DENND5A: variants seen among roughly 807,000 people sequenced by gnomAD.
The protein encoded by DENND5A is DENN domain containing 5A, also known as DENN domain-containing protein 5A.
DENND5A carries 64 observed loss-of-function variants against 140.3 expected under a neutral mutation model. The observed-to-expected ratio is 0.46, with a 90% CI of 0.37 to 0.56. The LOEUF is 0.56. Among genes scored for constraint, DENND5A ranks in the 20% least tolerant of loss-of-function variants. The pLI is 0.00. For synonymous variants in DENND5A, 605 were observed against 607.7 expected, an observed-to-expected ratio of 1.00 and a Z score of 0.07; for missense variants, 1,292 against 1,593.8, an observed-to-expected ratio of 0.81 and a Z score of 3.22.
chr11:9,207,205 A>G (rs1452852255), intron 2 of DENND5A: 1 of 471,046 alleles, frequency 2.1e-6, no homozygotes, highest in Non-Finnish European at 3.9e-6. Flanking sequence ...CATTTCAATG[A>G]TCTCTGGGAA....
chr11:9,233,954 G>T (rs1165666759), intron 1 of DENND5A, among the ~76,000 whole-genome samples: 7 of 152,082 alleles, frequency 4.6e-5, no homozygotes, highest in Non-Finnish European at 7.4e-5. Flanking sequence ...GAGGTGGGTG[G>T]ATCACTTGAG....
At chr11:9,143,951 A>AT in intron 19 of DENND5A, 146 bp downstream of exon 19, 1 of 903,594 alleles carries the variant, frequency 1.1e-6, no homozygotes, top group Non-Finnish European at 1.7e-6. Flanking sequence ...GAAGGGTGCC[A>AT]TATGTGTGAG....
Position 9,204,214 on chromosome 11 carries a change from C to T in DENND5A, c.395G>A (p.Gly132Glu). The T allele has an allele frequency of 1.2e-6, 2 of 1,613,990 alleles. No homozygotes were observed. The highest frequency in any genetic ancestry group is 1.7e-6 in the Non-Finnish European group (2 of 1,180,012). The change falls in exon 4 of 23, where the codon GGG becomes GAG. Residue 132 changes from glycine (G) to glutamate (E), a missense_variant. Coordinates refer to ENST00000328194, the MANE Select transcript of DENND5A (RefSeq NM_015213.4). ...CTCTTCATAAAATGTGAGGGCAAAC[C>T]CAAATGTCCGAGAGCCATCCTCCCT... ...ITREDGSRTF[G>E]FALTFYEEVT...
intron 11 of DENND5A, among the ~76,000 whole-genome samples, chr11:9,162,549 T>C (rs1363335506): frequency 6.6e-6 from 1 of 152,020 alleles, no homozygotes; most frequent in Non-Finnish European, 1.5e-5. Flanking sequence ...AGTATTTTAT[T>C]TATAAATACT....
chr11:9,203,839 C>A lies in DENND5A; in HGVS notation c.770G>T (p.Gly257Val). The A allele has an allele frequency of 6.2e-7, 1 of 1,614,108 alleles. No individual in the cohort carries two copies. Among genetic ancestry groups the A allele is most frequent in the Non-Finnish European group, 8.5e-7 (1 of 1,180,024 alleles). ...GACCCCAGAAAACTTCAAGGACCGG[C>A]CAGGAGGTGGGAGCGGCACCTCGTA... ...VLYEVPLPPP[G>V]RSLKFSGVYG... The change falls in exon 4 of 23, where the codon GGC becomes GTC. Residue 257 changes from glycine to valine, a missense_variant. By Grantham distance (109) the Gly-to-Val change is moderately radical. Coordinates refer to ENST00000328194, the MANE Select transcript of DENND5A (RefSeq NM_015213.4).
intron 4 of DENND5A, among the ~76,000 whole-genome samples, chr11:9,203,179 G>A (rs1564912920): frequency 6.6e-6 from 1 of 152,148 alleles, no homozygotes. Context: ...GTCCAAATAT[G>A]CTGCTTACAC....
At chr11:9,238,126 G>T (rs1199082227) in intron 1 of DENND5A, among the ~76,000 whole-genome samples, 1 of 151,956 alleles carries the variant, frequency 6.6e-6, no homozygotes, top group African/African-American at 2.4e-5. Flanking sequence ...TGGGTTTTTT[G>T]AGTGGGTCTC....
chr11:9,191,703 C>A (rs1849132644), intron 5 of DENND5A, among the ~76,000 whole-genome samples: 1 of 152,190 alleles, frequency 6.6e-6, no homozygotes, highest in South Asian at 2.1e-4. Context: ...ATAAAGAAAG[C>A]TGATGCCAAA....
At chr11:9,143,589 A>G (rs948543470) in intron 19 of DENND5A, 104 bp from the exon 20 acceptor site, 1 of 938,576 alleles carries the variant, frequency 1.1e-6, no homozygotes, top group Admixed American at 1.8e-5. Context: ...TAGGAGAGGC[A>G]GGGCAGCTGG....
chr11:9,244,584 G>A (rs1265649752), intron 1 of DENND5A, among the ~76,000 whole-genome samples: 5 of 152,110 alleles, frequency 3.3e-5, no homozygotes, highest in African/African-American at 9.7e-5. Flanking sequence ...AGTCAGGCTG[G>A]TCTTGAACTC....
intron 1 of DENND5A, among the ~76,000 whole-genome samples, chr11:9,244,558 C>T (rs1458005036): frequency 6.6e-6 from 1 of 151,918 alleles, no homozygotes; most frequent in Non-Finnish European, 1.5e-5. Flanking sequence ...TAGTAGAGAC[C>T]GGGTTTCTCC....
At chr11:9,148,001 A>C (rs1847489404) in intron 15 of DENND5A, among the ~76,000 whole-genome samples, 1 of 152,218 alleles carries the variant, frequency 6.6e-6, no homozygotes, top group Non-Finnish European at 1.5e-5. Flanking sequence ...CACTTTCAAC[A>C]GATAATTTAT....
intron 5 of DENND5A, among the ~76,000 whole-genome samples, chr11:9,185,307 T>C (rs537408486): frequency 6.6e-6 from 1 of 152,356 alleles, no homozygotes; most frequent in Non-Finnish European, 1.5e-5. Flanking sequence ...TTATTAATTT[T>C]TTTTTCCACA....
intron 5 of DENND5A, among the ~76,000 whole-genome samples, chr11:9,190,623 C>T (rs1413355366): frequency 2.0e-5 from 3 of 152,090 alleles, no homozygotes; most frequent in African/African-American, 4.8e-5. Context: ...GTAAACTGCC[C>T]GGTCTCAGGT....
At chr11:9,217,178 A>C (rs1850125434) in intron 1 of DENND5A, among the ~76,000 whole-genome samples, 1 of 152,202 alleles carries the variant, frequency 6.6e-6, no homozygotes, top group South Asian at 2.1e-4. Flanking sequence ...TCTTGAAAAC[A>C]TGCCAAGTGG....
intron 4 of DENND5A, among the ~76,000 whole-genome samples, chr11:9,201,022 A>C (rs755161534): frequency 8.5e-5 from 13 of 152,222 alleles, no homozygotes; most frequent in Non-Finnish European, 1.5e-4. Context: ...TTGAGCATCA[A>C]AATAAATAAT....
At chr11:9,234,395 AT>A (rs1370106469) in intron 1 of DENND5A, among the ~76,000 whole-genome samples, 2 of 152,002 alleles carry the variant, frequency 1.3e-5, no homozygotes, top group Non-Finnish European at 2.9e-5. Context: ...AGAATGAGTA[AT>A]TTTTTTTCAA....
chr11:9,142,213 T>C, intron 21 of DENND5A, 105 bp from the exon 22 acceptor site: 1 of 840,984 alleles, frequency 1.2e-6, no homozygotes, highest in Non-Finnish European at 1.8e-6. Context: ...ACAGGTAACT[T>C]AATGAGAATA....
At chr11:9,235,314 A>C (rs1400478479) in intron 1 of DENND5A, among the ~76,000 whole-genome samples, 1 of 152,192 alleles carries the variant, frequency 6.6e-6, no homozygotes, top group Non-Finnish European at 1.5e-5. Flanking sequence ...TTATTCAGCC[A>C]TAACAAGGAA....
Sources: gnomAD v4.1 joint callset for allele counts (sites outside exome capture counted in the v4.1 genomes callset) on GRCh38, gnomAD v4.1.1 for gene constraint, MANE v1.5 for transcripts, NCBI Gene and HGNC (gene_info 2026-07-23, HGNC 2026-07-21) for gene names.